Variants in ADGRB1 observed in about 807,000 individuals in gnomAD.
ADGRB1 encodes the protein adhesion G protein-coupled receptor B1.
In ADGRB1, 36 loss-of-function variants were observed where a neutral mutation model predicts 175.7. That is an observed-to-expected ratio of 0.20 (90% CI 0.16 to 0.27). The LOEUF (loss-of-function observed/expected upper bound fraction) is 0.27. Among genes scored for constraint, ADGRB1 ranks in the 10% least tolerant of loss-of-function variants. The pLI, the probability that ADGRB1 is intolerant of heterozygous loss-of-function variation, is 1.00. For synonymous variants in ADGRB1, 1,054 were observed against 979.4 expected (o/e 1.08, Z -1.42); for missense variants, 1,731 against 2,255.3 (o/e 0.77, Z 4.71).
At chr8:142,522,828 G>C (rs1023628694) in intron 22 of ADGRB1, 118 bp downstream of exon 22, 2 of 1,174,594 alleles carry the variant, frequency 1.7e-6, no homozygotes, top group Non-Finnish European at 2.2e-6. Flanking sequence ...TCATCTCACA[G>C]AGGCTCAGGG....
At chr8:142,507,985 A>G (rs1291511119) in intron 17 of ADGRB1, among the ~76,000 whole-genome samples, 1 of 114,340 alleles carries the variant, frequency 8.7e-6, no homozygotes, top group African/African-American at 3.3e-5. Flanking sequence ...TCGGTGGGAG[A>G]TGGAGGCTCA....
intron 23 of ADGRB1, 123 bp from the exon 24 acceptor site, chr8:142,526,419 G>A: frequency 1.2e-6 from 1 of 849,912 alleles, no homozygotes; most frequent in Middle Eastern, 3.3e-4. Flanking sequence ...TGGAGGCACG[G>A]GAGGTGACCC....
chr8:142,493,333 G>T lies in ADGRB1; in HGVS notation c.2675+2518G>T, dbSNP rs557122724. Among the ~76,000 whole-genome samples the T allele has an allele frequency of 1.4e-3, 209 of 152,046 alleles. No individual in the cohort carries two copies. Among genetic ancestry groups the T allele is most frequent in the Non-Finnish European group, 2.3e-3 (159 of 67,958 alleles). Reference sequence around the variant, plus strand: ...CTTGGCTTCCTGACCCTATGGCCAGGGTCTGCCTGCTTTTAGGCAGGGGCG... The same window carrying T: ...CTTGGCTTCCTGACCCTATGGCCAGTGTCTGCCTGCTTTTAGGCAGGGGCG... On this transcript the variant is annotated intron_variant, in intron 17 of 30. Transcript: ENST00000517894. This position sits in a 1 kb window ranked among gnomAD's most constrained non-coding sequence, Gnocchi z 5.0.
At position 142,510,730 on chromosome 8, in the gene ADGRB1, G is replaced by C. The variant is rs866052237; in HGVS notation, c.2676-202G>C. 1.8e-3 allele frequency among the ~76,000 whole-genome samples: 265 copies of C among 145,370 alleles called. No individual in the cohort carries two copies. The highest frequency in any genetic ancestry group is 0.015 in the Middle Eastern group (4 of 270). On this transcript the variant is annotated intron_variant, in intron 17 of 30. Transcript: ENST00000517894. The surrounding 1 kb of genome is among the most constrained non-coding windows in gnomAD (Gnocchi z 6.3). The stretch of plus-strand genomic sequence containing the variant: ...GCGGCTCTCGGCGGCGGCGGCGGCG[G>C]GCGCAGAGCGCGGCATGGGCGCCCG...
intron 2 of ADGRB1, among the ~76,000 whole-genome samples, chr8:142,468,108 TGTGC>T (rs1840380106): frequency 6.6e-6 from 1 of 152,176 alleles, no homozygotes; most frequent in South Asian, 2.1e-4. Context: ...TGCATGTGCG[TGTGC>T]AAGTGTGGCA....
intron 18 of ADGRB1, among the ~76,000 whole-genome samples, chr8:142,515,728 G>A (rs1009864730): frequency 6.6e-6 from 1 of 152,242 alleles, no homozygotes; most frequent in African/African-American, 2.4e-5. Context: ...CAGGCTGGGA[G>A]GGATCGGGGG....
chr8:142,461,152 C>T (rs1470959390), intron 1 of ADGRB1, among the ~76,000 whole-genome samples: 2 of 152,206 alleles, frequency 1.3e-5, no homozygotes, highest in Non-Finnish European at 2.9e-5. Flanking sequence ...CCATGCTGGG[C>T]CGTGCTGTGC....
chr8:142,487,781 C>CA (rs1841751674), intron 13 of ADGRB1, among the ~76,000 whole-genome samples: 1 of 152,212 alleles, frequency 6.6e-6, no homozygotes, highest in African/African-American at 2.4e-5. Context: ...GAGCTCAGGG[C>CA]CCTTCCGCAC....
chr8:142,483,529 G>A (rs1324553741), intron 11 of ADGRB1, among the ~76,000 whole-genome samples: 1 of 144,644 alleles, frequency 6.9e-6, no homozygotes, highest in African/African-American at 2.6e-5. Flanking sequence ...CCTGGCCTTG[G>A]TCACATGCTG....
At chr8:142,517,634 G>A (rs1475679732) in intron 18 of ADGRB1, among the ~76,000 whole-genome samples, 1 of 152,156 alleles carries the variant, frequency 6.6e-6, no homozygotes, top group Non-Finnish European at 1.5e-5. Flanking sequence ...GGATGTGTCC[G>A]GGCTGTGGAG....
chr8:142,500,745 G>A (rs993987379), intron 17 of ADGRB1, among the ~76,000 whole-genome samples: 34 of 152,262 alleles, frequency 2.2e-4, no homozygotes, highest in Admixed American at 2.0e-3. Context: ...GGACTTCCAC[G>A]TGAGCAAGGA....
chr8:142,472,982 C>A (rs976735598), intron 2 of ADGRB1, among the ~76,000 whole-genome samples: 3 of 152,086 alleles, frequency 2.0e-5, no homozygotes. Flanking sequence ...CAGTGTCCCG[C>A]CCCTCCGAAG....
In ADGRB1 at chr8:142,544,653, A is replaced by G. The variant is rs1845482147; in HGVS notation, c.*236A>G. The G allele has an allele frequency of 5.0e-6, 2 of 397,802 alleles. No homozygotes were observed. The highest frequency in any genetic ancestry group is 7.6e-5 in the South Asian group (1 of 13,092). The allele number at this position is 397,802 out of a possible 1,614,324, so 24.6% of individuals were successfully genotyped here. ...GCACCAGAGGCCGAAGGTGCCTCAG[A>G]CTCCGCCCTCCTCGGGCCGAGGCCC... On this transcript the variant is annotated 3_prime_UTR_variant, in exon 31 of 31. Transcript: ENST00000517894.
intron 1 of ADGRB1, among the ~76,000 whole-genome samples, chr8:142,451,994 C>G (rs1839379288): frequency 6.6e-6 from 1 of 152,046 alleles, no homozygotes; most frequent in African/African-American, 2.4e-5. Flanking sequence ...GGTTCCTGGG[C>G]GCGCCCCCGT....
intron 17 of ADGRB1, among the ~76,000 whole-genome samples, chr8:142,496,778 A>G (rs1387387729): frequency 6.6e-6 from 1 of 152,036 alleles, no homozygotes; most frequent in Non-Finnish European, 1.5e-5. Context: ...ATGCTACCCT[A>G]GCGTTTATGG....
rs1367736912 is a variant in ADGRB1, at chr8:142,464,214, G to C, written c.16G>C (p.Ala6Pro). The C allele has an allele frequency of 1.6e-6, 2 of 1,289,334 alleles. No homozygotes were observed. Among genetic ancestry groups the C allele is most frequent in the Admixed American group, 4.2e-5 (1 of 23,656 alleles). 79.9% of individuals were successfully genotyped at this position (1,289,334 alleles called of 1,614,324 possible). The part of the protein sequence containing the change: MRGQA[A>P]APGPVWILAP... ...GCGAGCTAGGATGAGGGGCCAGGCCGCCGCCCCGGGCCCCGTCTGGATCCT... is the reference window on the plus strand; with the variant it reads ...GCGAGCTAGGATGAGGGGCCAGGCCCCCGCCCCGGGCCCCGTCTGGATCCT... The change falls in exon 2 of 31, where the codon GCC becomes CCC. Residue 6 changes from alanine (A) to proline (P), a missense_variant. Coordinates refer to ENST00000517894, the MANE Select transcript of ADGRB1 (RefSeq NM_001702.3).
chr8:142,475,872 G>A (rs1209461887), intron 3 of ADGRB1, among the ~76,000 whole-genome samples: 2 of 60,756 alleles, frequency 3.3e-5, no homozygotes, highest in Middle Eastern at 0.011. Flanking sequence ...GTGGGTCTGG[G>A]CTCTGAGAAG....
rs1359473922 is a variant in ADGRB1 at position 142,504,106 on chromosome 8, A to T, written c.2676-6826A>T. Among the ~76,000 whole-genome samples the T allele has an allele frequency of 6.6e-6, 1 of 152,206 alleles. No homozygotes were observed. Among genetic ancestry groups the T allele is most frequent in the East Asian group, 1.9e-4 (1 of 5,184 alleles). On this transcript the variant is annotated intron_variant, in intron 17 of 30. Coordinates refer to ENST00000517894, the MANE Select transcript of ADGRB1 (RefSeq NM_001702.3). The surrounding 1 kb of genome is among the most constrained non-coding windows in gnomAD (Gnocchi z 5.6). ...GTTCAAATGCCAAGGTCGATGGGTC[A>T]CAGCGACCAGGATCTCCTCAGGACC... is the stretch of plus-strand genomic sequence containing the variant.
At chr8:142,487,646 C>T (rs953133052) in intron 13 of ADGRB1, among the ~76,000 whole-genome samples, 1 of 152,208 alleles carries the variant, frequency 6.6e-6, no homozygotes, top group Non-Finnish European at 1.5e-5. Context: ...CCTGTCAGCA[C>T]CTGCTTCCAC....
Sources: gnomAD v4.1 joint callset for allele counts (sites outside exome capture counted in the v4.1 genomes callset) on GRCh38, gnomAD v4.1.1 for gene constraint, Gnocchi (gnomAD v3.1) non-coding constraint, MANE v1.5 for transcripts, NCBI Gene and HGNC (gene_info 2026-07-23, HGNC 2026-07-21) for gene names.